The following JHY variants were observed in gnomAD, a reference collection of about 807,000 sequenced individuals.
JHY encodes jhy protein homolog.
JHY carries 69 observed loss-of-function variants against 78.0 expected under a neutral mutation model. The observed-to-expected ratio is 0.88, with a 90% CI of 0.73 to 1.08. The LOEUF (loss-of-function observed/expected upper bound fraction) is 1.08, where lower values mean the gene tolerates loss of function less well. Among genes scored for constraint, JHY ranks in the 50% least tolerant of loss-of-function variants. The pLI is 0.00. For missense variants in JHY, 944 were observed against 927.8 expected, an observed-to-expected ratio of 1.02 and a Z score of -0.23; for synonymous variants, 368 against 342.6, an observed-to-expected ratio of 1.07 and a Z score of -0.82.
intron 7 of JHY, 74 bp downstream of exon 7, chr11:122,956,650 GC>G: frequency 8.0e-7 from 1 of 1,254,712 alleles, no homozygotes; most frequent in South Asian, 1.3e-5. Context: ...TTATGAAGAC[GC>G]CCCCCAGAAT....
chr11:122,956,420 GA>G, intron 6 of JHY, 75 bp from the exon 7 acceptor site: 2 of 1,260,960 alleles, frequency 1.6e-6, no homozygotes, highest in Non-Finnish European at 2.3e-6. Flanking sequence ...ATGTGGCTAT[GA>G]CACCTTACAG....
At chr11:122,922,809 C>CAAAAAAAAAAAA (rs571482464) in intron 3 of JHY, among the ~76,000 whole-genome samples, 25 of 44,370 alleles carry the variant, frequency 5.6e-4, no homozygotes, top group African/African-American at 1.1e-3. Flanking sequence ...GACTCCGTCT[C>CAAAAAAAAAAAA]AAAAAAAAAA....
At chr11:122,911,582 C>G (rs1165242370) in intron 3 of JHY, among the ~76,000 whole-genome samples, 1 of 152,036 alleles carries the variant, frequency 6.6e-6, no homozygotes, top group East Asian at 1.9e-4. Context: ...ACTGATAATA[C>G]CTCAAAAGAG....
intron 3 of JHY, among the ~76,000 whole-genome samples, chr11:122,923,419 A>C (rs1022387809): frequency 6.6e-6 from 1 of 152,202 alleles, no homozygotes; most frequent in Non-Finnish European, 1.5e-5. Flanking sequence ...ACAGCGAGTA[A>C]ACATCTACCA....
chr11:122,905,378 T>G, intron 3 of JHY: 1 of 1,498,462 alleles, frequency 6.7e-7, no homozygotes. Flanking sequence ...CCTGCTAATG[T>G]GAGGTCATTT....
At chr11:122,884,750 T>C (rs1315306535) in intron 1 of JHY, among the ~76,000 whole-genome samples, 1 of 152,190 alleles carries the variant, frequency 6.6e-6, no homozygotes, top group Non-Finnish European at 1.5e-5. Flanking sequence ...AGGCTCTGCT[T>C]TGGATCGCTC....
chr11:122,955,856 T>G (rs565338634), intron 6 of JHY, among the ~76,000 whole-genome samples: 9 of 152,330 alleles, frequency 5.9e-5, no homozygotes, highest in African/African-American at 2.2e-4. Flanking sequence ...GTGACATCAT[T>G]GGACAGGGTA....
intron 3 of JHY, among the ~76,000 whole-genome samples, chr11:122,910,292 T>C (rs554168498): frequency 6.6e-6 from 1 of 152,116 alleles, no homozygotes; most frequent in East Asian, 1.9e-4. Context: ...CTGACCAACA[T>C]GTGAAACCCT....
chr11:122,958,405 T>C (rs185523874), intron 8 of JHY, among the ~76,000 whole-genome samples: 4 of 152,354 alleles, frequency 2.6e-5, no homozygotes, highest in Admixed American at 1.3e-4. Flanking sequence ...ATTGAGTTTC[T>C]ATGGTGCTAC....
Position 122,946,498 on chromosome 11 carries a change from G to T in JHY, c.1635G>T (p.Trp545Cys). ...TTGTGCCTTTTTTTTTTTCATTAAG[G>T]AAATTCCATTCTTCTTCTGACAGCC... ...ETKYRNLEML[W>C]KFHSSSDSQT... Residue 545 changes from tryptophan to cysteine, a missense_variant and splice_region_variant, in exon 6 of 9, where the codon TGG becomes TGT. Transcript: ENST00000227349. 2 of 1,558,216 alleles carry T rather than the reference G, an allele frequency of 1.3e-6. No homozygotes were observed. The highest frequency in any genetic ancestry group is 8.6e-7 in the Non-Finnish European group (1 of 1,156,510).
intron 6 of JHY, among the ~76,000 whole-genome samples, chr11:122,950,468 C>T (rs1053055194): frequency 6.6e-6 from 1 of 152,116 alleles, no homozygotes; most frequent in Non-Finnish European, 1.5e-5. Flanking sequence ...AGCTTTTGAG[C>T]TCAATTCTCA....
intron 4 of JHY, among the ~76,000 whole-genome samples, chr11:122,929,992 A>G (rs1402675568): frequency 1.3e-5 from 2 of 152,226 alleles, no homozygotes; most frequent in Admixed American, 1.3e-4. Context: ...GGCAGGGGAC[A>G]GAGGTCAGCA....
At chr11:122,894,183 C>T (rs914322771) in intron 2 of JHY, among the ~76,000 whole-genome samples, 1 of 151,636 alleles carries the variant, frequency 6.6e-6, no homozygotes, top group African/African-American at 2.4e-5. Context: ...TAGCCGGGCC[C>T]ATAATCCCAG....
chr11:122,885,796 C>T lies in JHY; in HGVS notation c.-54C>T, dbSNP rs1417482359. 1.5e-6 allele frequency: 2 copies of T among 1,355,288 alleles called. No individual in the cohort carries two copies. The highest frequency in any genetic ancestry group is 2.0e-6 in the Non-Finnish European group (2 of 984,780). 84.0% of individuals were successfully genotyped at this position (1,355,288 alleles called of 1,614,324 possible). A position where few individuals can be genotyped will look rare whatever the true frequency, so the allele number is the denominator to read the frequency against. On this transcript the variant is annotated 5_prime_UTR_variant, in exon 2 of 9. Coordinates refer to ENST00000227349, the MANE Select transcript of JHY (RefSeq NM_024806.4). Reference sequence around the variant, plus strand: ...TGTGAACCACAACTTTAAATATCAGCCAGCTGCTCCTATCAACACGAGTAT... The same window carrying T: ...TGTGAACCACAACTTTAAATATCAGTCAGCTGCTCCTATCAACACGAGTAT...
chr11:122,954,846 A>G (rs1864158287), intron 6 of JHY, among the ~76,000 whole-genome samples: 1 of 152,096 alleles, frequency 6.6e-6, no homozygotes, highest in Admixed American at 6.5e-5. Flanking sequence ...TTCAAAATTG[A>G]TAAAAATCCT....
At chr11:122,925,144 A>G in intron 4 of JHY, 134 bp downstream of exon 4, 1 of 709,720 alleles carries the variant, frequency 1.4e-6, no homozygotes, top group Admixed American at 2.6e-5. Flanking sequence ...CCTATGGGTA[A>G]GACTGGCTTC....
In JHY at chr11:122,918,004, G is replaced by A. The variant is rs555500035; in HGVS notation, c.865-6893G>A. ...CAACCTCTGCCTCCCGGGTCCAAAC[G>A]ACTGTCATGCCTCAGTCTCCCAAGT... On this transcript the variant is annotated intron_variant, in intron 3 of 8. Transcript: ENST00000227349. Among the ~76,000 whole-genome samples, 56 of 151,618 alleles carry A rather than the reference G, an allele frequency of 3.7e-4. 1 individual carries two copies. Among genetic ancestry groups the A allele is most frequent in the Admixed American group, 1.7e-3 (26 of 15,252 alleles).
Position 122,897,017 on chromosome 11 carries a change from C to T in JHY, c.345-6908C>T, listed in dbSNP as rs148313452. Among the ~76,000 whole-genome samples the T allele has an allele frequency of 1.6e-3, 242 of 149,604 alleles. 1 individual carries two copies. Among genetic ancestry groups the T allele is most frequent in the African/African-American group, 5.4e-3 (219 of 40,650 alleles). ...GATTACAGGCACGTGCCGCCATGCCCGGCTAATTTTTGTATTTTTAGTAGA... is the reference window on the plus strand; with the variant it reads ...GATTACAGGCACGTGCCGCCATGCCTGGCTAATTTTTGTATTTTTAGTAGA... On this transcript the variant is annotated intron_variant, in intron 2 of 8. Transcript: ENST00000227349.
chr11:122,948,462 A>AATC (rs1555059930), intron 6 of JHY, among the ~76,000 whole-genome samples: 3 of 145,712 alleles, frequency 2.1e-5, no homozygotes, highest in African/African-American at 8.0e-5. Flanking sequence ...TAATAATAAT[A>AATC]ATAATAATAA....
Sources: gnomAD v4.1 joint callset for allele counts (sites outside exome capture counted in the v4.1 genomes callset) on GRCh38, gnomAD v4.1.1 for gene constraint, MANE v1.5 for transcripts, NCBI Gene and HGNC (gene_info 2026-07-23, HGNC 2026-07-21) for gene names.